The following NTM variants were observed in gnomAD, a reference collection of about 807,000 sequenced individuals.
The protein encoded by NTM is IgLON family member 2.
NTM carries 13 observed loss-of-function variants against 42.1 expected under a neutral mutation model. The observed-to-expected ratio is 0.31, with a 90% CI of 0.20 to 0.49. NTM has a LOEUF of 0.49. Among genes scored for constraint, NTM ranks in the 20% least tolerant of loss-of-function variants. NTM has a pLI of 0.99. For missense variants in NTM, 373 were observed against 452.8 expected (o/e 0.82, Z 1.60); for synonymous variants, 187 against 179.2 (o/e 1.04, Z -0.35).
At chr11:131,946,919 T>TGCCTCTGAAA (rs1271526654) in intron 2 of NTM, among the ~76,000 whole-genome samples, 2 of 152,212 alleles carry the variant, frequency 1.3e-5, no homozygotes, top group African/African-American at 2.4e-5. Flanking sequence ...TACAGGAAAG[T>TGCCTCTGAAA]GCCTCTGAAA....
chr11:131,927,084 T>G (rs990275322), intron 2 of NTM, among the ~76,000 whole-genome samples: 1 of 152,216 alleles, frequency 6.6e-6, no homozygotes, highest in Non-Finnish European at 1.5e-5. Flanking sequence ...CCTAATGAGC[T>G]GTTCAGAAGA....
At chr11:131,704,502 C>T (rs2076390165) in intron 1 of NTM, among the ~76,000 whole-genome samples, 1 of 152,100 alleles carries the variant, frequency 6.6e-6, no homozygotes, top group Admixed American at 6.5e-5. Context: ...CATAACAAGG[C>T]AATAAGTAAA....
intron 4 of NTM, among the ~76,000 whole-genome samples, chr11:132,230,153 C>T (rs1028001645): frequency 1.3e-5 from 2 of 152,018 alleles, no homozygotes; most frequent in South Asian, 2.1e-4. Flanking sequence ...CCCTGAGAGT[C>T]GATGTATCTT....
chr11:132,139,302 A>G (rs1354175264), intron 2 of NTM, among the ~76,000 whole-genome samples: 1 of 152,188 alleles, frequency 6.6e-6, no homozygotes, highest in East Asian at 1.9e-4. Flanking sequence ...GTTCTTGGCT[A>G]CATGTGTGTA....
intron 1 of NTM, among the ~76,000 whole-genome samples, chr11:131,413,769 C>G (rs545736652): frequency 6.6e-6 from 1 of 152,202 alleles, no homozygotes; most frequent in East Asian, 1.9e-4. Context: ...GCAGCAGGTT[C>G]CTGGCAGTCC....
chr11:132,218,448 T>G (rs1276862525), intron 4 of NTM, among the ~76,000 whole-genome samples: 1 of 152,196 alleles, frequency 6.6e-6, no homozygotes, highest in African/African-American at 2.4e-5. Context: ...CTCTTTAGTC[T>G]TGGCTGTGCT....
chr11:131,678,504 C>G (rs145717806), intron 1 of NTM, among the ~76,000 whole-genome samples: 299 of 152,354 alleles, frequency 2.0e-3, no homozygotes, highest in African/African-American at 6.7e-3. Flanking sequence ...GCATTTGAAA[C>G]AGATGCCCTT....
chr11:131,530,763 C>A (rs999635451), intron 1 of NTM, among the ~76,000 whole-genome samples: 4 of 152,168 alleles, frequency 2.6e-5, no homozygotes, highest in African/African-American at 9.7e-5. Flanking sequence ...GACCCTAACT[C>A]CCTCCCCTCC....
chr11:132,248,399 T>C (rs1207448928), intron 4 of NTM, among the ~76,000 whole-genome samples: 1 of 147,168 alleles, frequency 6.8e-6, no homozygotes, highest in Non-Finnish European at 1.5e-5. Flanking sequence ...CTTGAGGTTT[T>C]TTTTTTCTCT....
chr11:132,305,544 C>T (rs1347938974), intron 4 of NTM, among the ~76,000 whole-genome samples: 2 of 152,150 alleles, frequency 1.3e-5, no homozygotes, highest in Non-Finnish European at 2.9e-5. Flanking sequence ...CAAGGACTAC[C>T]ATTTAAAATT....
intron 7 of NTM, among the ~76,000 whole-genome samples, chr11:132,328,013 A>G (rs565201190): frequency 3.7e-4 from 56 of 152,284 alleles, no homozygotes; most frequent in African/African-American, 1.3e-3. Context: ...CCTGATAGTC[A>G]AAATGTTACT....
In NTM at chr11:132,145,138, G is replaced by A. The variant is rs117022369; in HGVS notation, c.168-1144G>A. Reference sequence around the variant, plus strand: ...TCTCACATAGTACCAGGAATTAGAAGACTTGACTGAGAGGTCTGACTTCTA... The same window carrying A: ...TCTCACATAGTACCAGGAATTAGAAAACTTGACTGAGAGGTCTGACTTCTA... On this transcript the variant is annotated intron_variant, in intron 2 of 8. Transcript: ENST00000683400. Among the ~76,000 whole-genome samples, 1,427 of 152,286 alleles carry A rather than the reference G, an allele frequency of 9.4e-3. 20 individuals carry two copies. The highest frequency in any genetic ancestry group is 0.014 in the Non-Finnish European group (941 of 68,026).
At chr11:131,678,009 G>C (rs750267334) in intron 1 of NTM, among the ~76,000 whole-genome samples, 4 of 152,210 alleles carry the variant, frequency 2.6e-5, no homozygotes, top group Non-Finnish European at 5.9e-5. Flanking sequence ...ATAGGCTCCA[G>C]AGTCACCCTT....
At chr11:131,760,391 C>T (rs1254999075) in intron 1 of NTM, among the ~76,000 whole-genome samples, 1 of 152,012 alleles carries the variant, frequency 6.6e-6, no homozygotes. Flanking sequence ...GAAAAAAATC[C>T]CTGAGATTTA....
At chr11:132,061,801 G>T (rs1180596473) in intron 2 of NTM, among the ~76,000 whole-genome samples, 1 of 152,064 alleles carries the variant, frequency 6.6e-6, no homozygotes, top group Non-Finnish European at 1.5e-5. Flanking sequence ...TGCCAGAAGG[G>T]TCACAAACCT....
At chr11:131,905,322 C>T (rs1276265619) in intron 1 of NTM, among the ~76,000 whole-genome samples, 2 of 152,172 alleles carry the variant, frequency 1.3e-5, no homozygotes, top group Non-Finnish European at 2.9e-5. Flanking sequence ...CTGAATGAAT[C>T]CATGACTGCA....
At chr11:132,116,766 G>T (rs558157152) in intron 2 of NTM, among the ~76,000 whole-genome samples, 1 of 152,334 alleles carries the variant, frequency 6.6e-6, no homozygotes, top group African/African-American at 2.4e-5. Context: ...GAGGATGACA[G>T]TTATAGACCT....
chr11:131,815,681 C>G (rs1004193775), intron 1 of NTM, among the ~76,000 whole-genome samples: 1 of 152,176 alleles, frequency 6.6e-6, no homozygotes, highest in African/African-American at 2.4e-5. Context: ...CAGGATCCAG[C>G]CTCTCCCTTC....
intron 1 of NTM, among the ~76,000 whole-genome samples, chr11:131,639,002 G>A (rs988264): frequency 0.62 from 94,539 of 152,080 alleles, 29,449 homozygotes; most frequent in East Asian, 0.79. Flanking sequence ...TCGGCCAGCT[G>A]CTACTATTAT....
Sources: allele counts gnomAD v4.1 joint callset (sites outside exome capture counted in the v4.1 genomes callset), GRCh38; gene constraint gnomAD v4.1.1; transcripts MANE v1.5; gene names NCBI Gene and HGNC (gene_info 2026-07-23, HGNC 2026-07-21).